The following MYO15A variants were observed in gnomAD, a reference collection of about 807,000 sequenced individuals.
MYO15A encodes the protein unconventional myosin-XV.
Under a neutral mutation model 394.6 loss-of-function variants are expected in MYO15A, and 308 were observed. The observed-to-expected ratio is 0.78, with a 90% CI of 0.71 to 0.86. The LOEUF (loss-of-function observed/expected upper bound fraction) is 0.86, where lower values mean the gene tolerates loss of function less well. Among genes scored for constraint, MYO15A ranks in the 40% least tolerant of loss-of-function variants. The pLI, the probability that MYO15A is intolerant of heterozygous loss-of-function variation, is 0.00. For missense variants in MYO15A, 4,606 were observed against 4,799.1 expected, an observed-to-expected ratio of 0.96 and a Z score of 1.19; for synonymous variants, 1,957 against 2,003.8, an observed-to-expected ratio of 0.98 and a Z score of 0.62.
rs1217402627 is a variant in MYO15A at position 18,121,733 on chromosome 17, C to G, written c.2933C>G (p.Pro978Arg). ...LGPVPSPTLQPEDPAADMTRV... is the reference protein window; with the variant it reads ...LGPVPSPTLQREDPAADMTRV... ...CCTGTGCCATCCCCCACCCTCCAGC[C>G]TGAGGATCCAGCTGCTGATATGACC... The change falls in exon 2 of 66, where the codon CCT becomes CGT. Residue 978 changes from proline to arginine, a missense_variant. Pro to Arg is a moderately radical substitution (Grantham distance 103). Around this residue, in one of 2 missense-constraint regions of MYO15A, gnomAD observed 1,830 missense variants for 1,689.7 expected, o/e 1.08. Coordinates refer to ENST00000647165, the MANE Select transcript of MYO15A (RefSeq NM_016239.4). The surrounding 1 kb of genome is among the most constrained non-coding windows in gnomAD (Gnocchi z 5.3). 6.2e-6 allele frequency: 10 copies of G among 1,601,096 alleles called. No homozygotes were observed. Among genetic ancestry groups the G allele is most frequent in the Non-Finnish European group, 8.5e-6 (10 of 1,172,334 alleles).
rs922280969 is a variant in MYO15A, at chr17:18,148,611, G to C, written c.6764+43G>C. The C allele has an allele frequency of 6.5e-7, 1 of 1,550,002 alleles. No individual in the cohort carries two copies. The highest frequency in any genetic ancestry group is 8.7e-7 in the Non-Finnish European group (1 of 1,146,030). ...CCTCCCAGCACACTCTTATGTACCT[G>C]GAATGTTGTGGGGGGAGGTCAGATC... On this transcript the variant is annotated intron_variant, in intron 32 of 65. Transcript: ENST00000647165. The surrounding 1 kb of genome is among the most constrained non-coding windows in gnomAD (Gnocchi z 4.8).
chr17:18,157,999 G>C (rs1218793171), intron 51 of MYO15A, 99 bp downstream of exon 51: 1 of 1,415,376 alleles, frequency 7.1e-7, no homozygotes, highest in African/African-American at 1.4e-5. Flanking sequence ...CCAAGGGCCT[G>C]GCCAGGCTCT....
Position 18,120,405 on chromosome 17 carries a change from CA to C in MYO15A, c.1606del (p.Thr536ArgfsTer93). ...ACGGCCACCCTTTCTGGGGCTTCCT[CA>C]CGCCGCGCCAGCGCAACCTCCAGCG... ...PYGHPFWGFL[T>X]PRQRNLQRAL... On this transcript the variant is annotated frameshift_variant, in exon 2 of 66. Coordinates refer to ENST00000647165, the MANE Select transcript of MYO15A (RefSeq NM_016239.4). LOFTEE classifies it high-confidence loss of function. 1 of 1,605,586 alleles carries C rather than the reference CA, an allele frequency of 6.2e-7. No homozygotes were observed. The highest frequency in any genetic ancestry group is 8.5e-7 in the Non-Finnish European group (1 of 1,177,310).
chr17:18,157,836 C>T lies in MYO15A; in HGVS notation c.8903C>T (p.Ala2968Val). 1 of 1,593,056 alleles carries T rather than the reference C, an allele frequency of 6.3e-7. No individual in the cohort carries two copies. Reference protein sequence around the residue: ...QLPTEPGRGRAAAVAAAVASA... With the variant: ...QLPTEPGRGRVAAVAAAVASA... ...CCAACGGAGCCAGGCCGCGGCCGAGCAGCCGCCGTGGCCGCTGCTGTGGCC... is the reference window on the plus strand; with the variant it reads ...CCAACGGAGCCAGGCCGCGGCCGAGTAGCCGCCGTGGCCGCTGCTGTGGCC... The change falls in exon 51 of 66, where the codon GCA becomes GTA. Residue 2968 changes from alanine (A) to valine (V), a missense_variant. Physicochemically the swap from Ala to Val is moderately conservative, Grantham distance 64. This residue lies in a region of MYO15A where 2,776 missense variants were observed against 3,109.3 expected (regional missense o/e 0.89). Transcript: ENST00000647165.
chr17:18,133,018 A>G (rs967922196), intron 11 of MYO15A, among the ~76,000 whole-genome samples: 11 of 152,210 alleles, frequency 7.2e-5, no homozygotes, highest in African/African-American at 1.4e-4. Context: ...GCAAAGGTCA[A>G]CAGGTGACAA....
In MYO15A at chr17:18,156,943, G is replaced by T; in HGVS notation, c.8602-11G>T. 1 of 1,613,652 alleles carries T rather than the reference G, an allele frequency of 6.2e-7. No homozygotes were observed. The highest frequency in any genetic ancestry group is 1.6e-4 in the Middle Eastern group (1 of 6,062). ...GGGCTGTTGCCCTCACCCTGCCTCTGGCTGACCCAGGACTCTGACTACGTG... is the reference window on the plus strand; with the variant it reads ...GGGCTGTTGCCCTCACCCTGCCTCTTGCTGACCCAGGACTCTGACTACGTG... On this transcript the variant is annotated splice_polypyrimidine_tract_variant and intron_variant, in intron 48 of 65. Coordinates refer to ENST00000647165, the MANE Select transcript of MYO15A (RefSeq NM_016239.4).
chr17:18,171,990 T>C (rs2046948583), intron 63 of MYO15A, among the ~76,000 whole-genome samples, 167 bp from the exon 64 acceptor site: 3 of 152,052 alleles, frequency 2.0e-5, no homozygotes, highest in Admixed American at 2.0e-4. Flanking sequence ...CAAGCAGGGA[T>C]AGAGGAAGAG....
chr17:18,116,508 T>C (rs934578171), intron 1 of MYO15A, among the ~76,000 whole-genome samples: 1 of 152,224 alleles, frequency 6.6e-6, no homozygotes, highest in Admixed American at 6.5e-5. Flanking sequence ...ATAGCTCATA[T>C]CTCACAGACC....
At chr17:18,165,306 T>C (rs1368370771) in intron 60 of MYO15A, among the ~76,000 whole-genome samples, 1 of 152,188 alleles carries the variant, frequency 6.6e-6, no homozygotes, top group Admixed American at 6.5e-5. Context: ...ATTCTGAAAG[T>C]CAGAAGTTCT....
At chr17:18,167,389 G>A (rs963242549) in intron 61 of MYO15A, among the ~76,000 whole-genome samples, 3 of 152,244 alleles carry the variant, frequency 2.0e-5, no homozygotes, top group Non-Finnish European at 4.4e-5. Flanking sequence ...ACTCCCTCAT[G>A]GGCATCAAGG....
chr17:18,109,141 CTT>C lies in MYO15A; in HGVS notation c.-220+319_-220+320del, dbSNP rs1438427172. 3.3e-5 allele frequency: 5 copies of C among 152,504 alleles called. No homozygotes were observed. In the East Asian group the frequency reaches 9.6e-4, roughly 29 times the overall value. The allele number at this position is 152,504 out of a possible 1,614,324, so 9.4% of individuals were successfully genotyped here. A position where few individuals can be genotyped will look rare whatever the true frequency, so the allele number is the denominator to read the frequency against. On this transcript the variant is annotated intron_variant, in intron 1 of 65. Transcript: ENST00000647165. ...TGGCTGGTGGCCATTCCCACTTCCACTTTACAGGTAGGGGCTCTGGGCCCAGG... is the reference window on the plus strand; with the variant it reads ...TGGCTGGTGGCCATTCCCACTTCCACTACAGGTAGGGGCTCTGGGCCCAGG...
At chr17:18,140,857 G>A (rs1223695523) in intron 21 of MYO15A, 25 bp downstream of exon 21, 9 of 1,613,950 alleles carry the variant, frequency 5.6e-6, no homozygotes, top group Non-Finnish European at 3.4e-6. Flanking sequence ...AGGCCTCTGA[G>A]AGAGCCAAAT....
Position 18,150,745 on chromosome 17 carries a change from CA to C in MYO15A, c.7376del (p.His2459ProfsTer11). 1.9e-6 allele frequency: 3 copies of C among 1,587,334 alleles called. No homozygotes were observed. Among genetic ancestry groups the C allele is most frequent in the Non-Finnish European group, 2.6e-6 (3 of 1,165,680 alleles). ...STLALQQAFI[H>X]KQAVLLAREM... ...ATTGGCTCTGCAGCAAGCCTTCATC[CA>C]CAAACAGGCCGTGCTGCTGGTGAGT... is the stretch of plus-strand genomic sequence containing the variant. On this transcript the variant is annotated frameshift_variant, in exon 37 of 66. Transcript: ENST00000647165. LOFTEE classifies it high-confidence loss of function. This position sits in a 1 kb window ranked among gnomAD's most constrained non-coding sequence, Gnocchi z 4.4.
rs79230542 is a variant in MYO15A at position 18,171,737 on chromosome 17, G to C, written c.10182G>C (p.Ala3394=). 2 of 1,612,076 alleles carry C rather than the reference G, an allele frequency of 1.2e-6. No individual in the cohort carries two copies. Among genetic ancestry groups the C allele is most frequent in the East Asian group, 4.5e-5 (2 of 44,882 alleles). Residue 3394 remains alanine, a synonymous_variant, in exon 63 of 66, where the codon GCG becomes GCC. Coordinates refer to ENST00000647165, the MANE Select transcript of MYO15A (RefSeq NM_016239.4). ...LVSQHRQQTQ[A]LSPHQARAQF... ...GCCAGCACCGGCAGCAGACACAGGC[G>C]CTCAGCCCCCACCAGGCCCGTGCCC... is the stretch of plus-strand genomic sequence containing the variant.
intron 62 of MYO15A, 43 bp downstream of exon 62, chr17:18,167,766 C>T: frequency 6.3e-7 from 1 of 1,599,652 alleles, no homozygotes; most frequent in South Asian, 1.1e-5. Context: ...GGACAGGCAA[C>T]CCTGCCCTCT....
intron 7 of MYO15A, among the ~76,000 whole-genome samples, chr17:18,130,488 G>GC (rs974036020): frequency 5.3e-5 from 8 of 152,002 alleles, no homozygotes; most frequent in Non-Finnish European, 1.0e-4. Flanking sequence ...ATGGTCAGAG[G>GC]CAGGAGTGGG....
At chr17:18,160,067 C>G in intron 56 of MYO15A, 50 bp downstream of exon 56, 1 of 1,558,474 alleles carries the variant, frequency 6.4e-7, no homozygotes, top group Non-Finnish European at 8.7e-7. Context: ...GTCCATGCTC[C>G]AGGAGGGACC....
At chr17:18,145,731 T>C (rs2046465579) in intron 29 of MYO15A, 141 bp from the exon 30 acceptor site, 1 of 716,672 alleles carries the variant, frequency 1.4e-6, no homozygotes, top group Admixed American at 2.2e-5. Context: ...TCTATATATA[T>C]AGCAGTTATA....
intron 60 of MYO15A, among the ~76,000 whole-genome samples, chr17:18,165,709 C>G (rs983635831): frequency 6.6e-6 from 1 of 152,246 alleles, no homozygotes; most frequent in Admixed American, 6.5e-5. Flanking sequence ...GGTCATTATT[C>G]AGCCTGCCAC....
Sources: allele counts gnomAD v4.1 joint callset (sites outside exome capture counted in the v4.1 genomes callset), GRCh38; gene constraint gnomAD v4.1.1; regional missense constraint gnomAD v4.1.1; non-coding constraint Gnocchi (gnomAD v3.1); transcripts MANE v1.5; gene names NCBI Gene and HGNC (gene_info 2026-07-23, HGNC 2026-07-21).